The following PTPMT1 variants were observed in gnomAD, a reference collection of about 807,000 sequenced individuals.
PTPMT1 encodes the protein phosphatidylglycerophosphatase and protein-tyrosine phosphatase 1.
A neutral mutation model predicts 17.8 loss-of-function variants in PTPMT1; 12 were observed. The ratio of observed to expected loss-of-function variants is 0.67; its 90% confidence interval spans 0.43 to 1.09. PTPMT1 has a LOEUF of 1.09. Ranked by LOEUF, PTPMT1 falls within the 50% of genes least tolerant of loss-of-function variation. The probability of loss-of-function intolerance (pLI) is 0.00; values close to 1 mark genes in which losing one functional copy is unlikely to be tolerated. For synonymous variants in PTPMT1, 132 were observed against 116.8 expected, an observed-to-expected ratio of 1.13 and a Z score of -0.84; for missense variants, 262 against 266.0, an observed-to-expected ratio of 0.99 and a Z score of 0.10.
In PTPMT1 at chr11:47,569,806, A is replaced by G; in HGVS notation, c.362A>G (p.Tyr121Cys). The change falls in exon 3 of 4, where the codon TAC (tyrosine) becomes TGC (cysteine). Residue 121 changes from tyrosine (Y) to cysteine (C), a missense_variant. By Grantham distance (194) the Tyr-to-Cys change is radical. Coordinates refer to ENST00000326674, the MANE Select transcript of PTPMT1 (RefSeq NM_175732.3). Reference sequence around the variant, plus strand: ...AAGGGAGTCCAATTTGCTCTCAAGTACCAGTCGCTGGGCCAGTGTGTTTAC... The same window carrying G: ...AAGGGAGTCCAATTTGCTCTCAAGTGCCAGTCGCTGGGCCAGTGTGTTTAC... ...LQKGVQFALK[Y>C]QSLGQCVYVH... The G allele has an allele frequency of 6.2e-7, 1 of 1,614,096 alleles. No individual in the cohort carries two copies. Among genetic ancestry groups the G allele is most frequent in the Non-Finnish European group, 8.5e-7 (1 of 1,180,020 alleles).
chr11:47,565,964 G>A lies in PTPMT1; in HGVS notation c.233G>A (p.Arg78Lys). 6.2e-7 allele frequency: 1 copy of A among 1,600,222 alleles called. No individual in the cohort carries two copies. Among genetic ancestry groups the A allele is most frequent in the Non-Finnish European group, 8.5e-7 (1 of 1,173,838 alleles). The change falls in exon 2 of 4, where the codon AGG becomes AAG. Residue 78 changes from arginine (R) to lysine (K), a missense_variant. Physicochemically the swap from Arg to Lys is conservative, Grantham distance 26 (BLOSUM62 2). Coordinates refer to ENST00000326674, the MANE Select transcript of PTPMT1 (RefSeq NM_175732.3). ...VITMNEEYET[R>K]FLCNSSQEWK... ...ACCATGAACGAGGAGTACGAGACGA[G>A]GTTCCTGTGCAACTCTTCACAGGTG...
At chr11:47,571,156 A>T (rs1411413385) in intron 3 of PTPMT1, among the ~76,000 whole-genome samples, 1 of 152,198 alleles carries the variant, frequency 6.6e-6, no homozygotes, top group Non-Finnish European at 1.5e-5. Flanking sequence ...GACGTGGAGT[A>T]GGCTGAGGCA....
At position 47,565,901 on chromosome 11, in the gene PTPMT1, G is replaced by C; in HGVS notation, c.175-5G>C. ...CTTTGCTGAGCCACCTCTTTGCCTC[G>C]GCAGCTGGTACAGGACGAGAACGTG... On this transcript the variant is annotated splice_polypyrimidine_tract_variant and splice_region_variant and intron_variant, in intron 1 of 3. Transcript: ENST00000326674. 6.2e-7 allele frequency: 1 copy of C among 1,612,430 alleles called. No individual in the cohort carries two copies. Among genetic ancestry groups the C allele is most frequent in the South Asian group, 1.1e-5 (1 of 90,978 alleles).
At chr11:47,569,220 T>C (rs1047345170) in intron 2 of PTPMT1, among the ~76,000 whole-genome samples, 25 of 151,410 alleles carry the variant, frequency 1.7e-4, no homozygotes, top group African/African-American at 6.1e-4. Context: ...ACCCCGTCTC[T>C]ACTAAAAATG....
chr11:47,566,386 G>C (rs965192293), intron 2 of PTPMT1, among the ~76,000 whole-genome samples: 27 of 151,734 alleles, frequency 1.8e-4, no homozygotes, highest in African/African-American at 6.3e-4. Context: ...GGGAGGCTAA[G>C]GCAGGAGAAT....
In PTPMT1 at chr11:47,565,814, G is replaced by A. The variant is rs1435376622; in HGVS notation, c.174+18G>A. ...CGCGCCAGGTGAGCCGGGCCGGGGA[G>A]CCCGGGCCCCTGCCCCGTCCCCGCC... On this transcript the variant is annotated intron_variant, in intron 1 of 3. Coordinates refer to ENST00000326674, the MANE Select transcript of PTPMT1 (RefSeq NM_175732.3). The A allele has an allele frequency of 6.3e-7, 1 of 1,585,704 alleles. No individual in the cohort carries two copies. Among genetic ancestry groups the A allele is most frequent in the East Asian group, 2.3e-5 (1 of 42,968 alleles).
rs2153793303 is a variant in PTPMT1 at position 47,572,759 on chromosome 11, G to A, written c.*1130G>A. 1.0e-5 allele frequency: 7 copies of A among 667,944 alleles called. No individual in the cohort carries two copies. The South Asian group carries it at 1.4e-4, about 14-fold the overall frequency. The allele number at this position is 667,944 out of a possible 1,614,324, so 41.4% of individuals were successfully genotyped here. A position where few individuals can be genotyped will look rare whatever the true frequency, so the allele number is the denominator to read the frequency against. ...AGTTCAAGCAACCAGCTGAGCAGCA[G>A]CAGTCTAAAAAGCCCCAAACAGAAC... On this transcript the variant is annotated 3_prime_UTR_variant, in exon 4 of 4. Coordinates refer to ENST00000326674, the MANE Select transcript of PTPMT1 (RefSeq NM_175732.3).
rs1251706979 is a variant in PTPMT1, at chr11:47,572,835, C to CA, written c.*1214dup. Reference sequence around the variant, plus strand: ...GAGGCACTGCCTTTCTAGTATGTGCCAAAAAAAACATAACTCTGAATTGGG... The same window carrying CA: ...GAGGCACTGCCTTTCTAGTATGTGCCAAAAAAAAACATAACTCTGAATTGGG... On this transcript the variant is annotated 3_prime_UTR_variant, in exon 4 of 4. Coordinates refer to ENST00000326674, the MANE Select transcript of PTPMT1 (RefSeq NM_175732.3). The CA allele has an allele frequency of 1.4e-4, 193 of 1,384,210 alleles. No homozygotes were observed. The highest frequency in any genetic ancestry group is 2.5e-4 in the South Asian group (18 of 71,102). 85.7% of individuals were successfully genotyped at this position (1,384,210 alleles called of 1,614,324 possible).
rs757273969 is a variant in PTPMT1, at chr11:47,571,655, G to A, written c.*26G>A. 16 of 1,611,374 alleles carry A rather than the reference G, an allele frequency of 9.9e-6. No individual in the cohort carries two copies. In the Admixed American group the frequency reaches 2.5e-4, roughly 25 times the overall value. ...TGTATGGGGATTAGAAAGAACTCAAGACACTCCTGCTTGATACAGAACAAA... is the reference window on the plus strand; with the variant it reads ...TGTATGGGGATTAGAAAGAACTCAAAACACTCCTGCTTGATACAGAACAAA... On this transcript the variant is annotated 3_prime_UTR_variant, in exon 4 of 4. Transcript: ENST00000326674.
In PTPMT1 at chr11:47,573,008, A is replaced by G; in HGVS notation, c.*1379A>G. 6.2e-7 allele frequency: 1 copy of G among 1,614,152 alleles called. No homozygotes were observed. ...CAGTTACGGCTGAAGTGGCAGGGTC[A>G]AGCTTGTAGGTGTTGGCATCCCCCT... On this transcript the variant is annotated 3_prime_UTR_variant, in exon 4 of 4. Transcript: ENST00000326674. The surrounding 1 kb of genome is among the most constrained non-coding windows in gnomAD (Gnocchi z 4.1).
chr11:47,570,308 T>G (rs1482547494), intron 3 of PTPMT1, among the ~76,000 whole-genome samples: 1 of 152,030 alleles, frequency 6.6e-6, no homozygotes, highest in Non-Finnish European at 1.5e-5. Context: ...TTTCAGGCTG[T>G]TGGGAGGTGG....
chr11:47,567,961 T>C (rs1034125962), intron 2 of PTPMT1, among the ~76,000 whole-genome samples: 1 of 152,012 alleles, frequency 6.6e-6, no homozygotes, highest in Admixed American at 6.6e-5. Context: ...CTCTGTCGCC[T>C]AGGCTGGAAG....
chr11:47,566,039 C>G (rs1401258595), intron 2 of PTPMT1, 53 bp downstream of exon 2: 5 of 1,504,674 alleles, frequency 3.3e-6, no homozygotes, highest in Non-Finnish European at 4.4e-6. Context: ...CCTCGCCCAC[C>G]GCCCTGAGCC....
chr11:47,571,524 A>T lies in PTPMT1; in HGVS notation c.501A>T (p.Ser167=), dbSNP rs202022382. The T allele has an allele frequency of 1.1e-5, 17 of 1,614,068 alleles. No homozygotes were observed. The highest frequency in any genetic ancestry group is 4.0e-5 in the African/African-American group (3 of 75,022). Residue 167 remains serine, a synonymous_variant, in exon 4 of 4, where the codon TCA becomes TCT. Transcript: ENST00000326674. ...TAAGAGCCATCGCCAAGATCCGGTC[A>T]TACATCCACATCAGGCCTGGCCAGC... is the stretch of plus-strand genomic sequence containing the variant. ...EAVRAIAKIR[S]YIHIRPGQLD...
chr11:47,573,234 G>A lies in PTPMT1; in HGVS notation c.*1605G>A, dbSNP rs1292941496. ...AGCTGCGTGCATGCGGCCTGCAAAGGGCAGCACATAGGGCTTCACATGGCA... is the reference window on the plus strand; with the variant it reads ...AGCTGCGTGCATGCGGCCTGCAAAGAGCAGCACATAGGGCTTCACATGGCA... On this transcript the variant is annotated 3_prime_UTR_variant, in exon 4 of 4. Coordinates refer to ENST00000326674, the MANE Select transcript of PTPMT1 (RefSeq NM_175732.3). This position sits in a 1 kb window ranked among gnomAD's most constrained non-coding sequence, Gnocchi z 4.1. The A allele has an allele frequency of 1.9e-6, 3 of 1,613,992 alleles. No homozygotes were observed. The African/African-American group carries it at 4.0e-5, about 22-fold the overall frequency.
chr11:47,572,637 G>C lies in PTPMT1; in HGVS notation c.*1008G>C. On this transcript the variant is annotated 3_prime_UTR_variant, in exon 4 of 4. Transcript: ENST00000326674. ...TAACATTGATCAGGTAAAGAGGAGA[G>C]GCTGTGCCTAAGGTCTGAGAAAAGG... The C allele has an allele frequency of 2.3e-6, 1 of 428,748 alleles. No homozygotes were observed. Among genetic ancestry groups the C allele is most frequent in the Non-Finnish European group, 4.2e-6 (1 of 238,374 alleles). The allele number at this position is 428,748 out of a possible 1,614,324, so 26.6% of individuals were successfully genotyped here.
rs1331387388 is a variant in PTPMT1 at position 47,572,848 on chromosome 11, ACT to A, written c.*1222_*1223del. On this transcript the variant is annotated 3_prime_UTR_variant, in exon 4 of 4. Coordinates refer to ENST00000326674, the MANE Select transcript of PTPMT1 (RefSeq NM_175732.3). ...TCTAGTATGTGCCAAAAAAAACATA[ACT>A]CTGAATTGGGGCCCAGGGGACTTTG... 8 of 1,457,538 alleles carry A rather than the reference ACT, an allele frequency of 5.5e-6. No individual in the cohort carries two copies. Among genetic ancestry groups the A allele is most frequent in the African/African-American group, 4.2e-5 (3 of 70,626 alleles). 90.3% of individuals were successfully genotyped at this position (1,457,538 alleles called of 1,614,324 possible). A position where few individuals can be genotyped will look rare whatever the true frequency, so the allele number is the denominator to read the frequency against.
At chr11:47,566,638 T>C (rs2097244936) in intron 2 of PTPMT1, among the ~76,000 whole-genome samples, 1 of 152,210 alleles carries the variant, frequency 6.6e-6, no homozygotes, top group Non-Finnish European at 1.5e-5. Context: ...TCATTCTTTC[T>C]ATACTTTGAG....
intron 2 of PTPMT1, among the ~76,000 whole-genome samples, chr11:47,568,747 A>G (rs935390865): frequency 6.6e-6 from 1 of 152,056 alleles, no homozygotes; most frequent in Non-Finnish European, 1.5e-5. Context: ...GCTGGAGTAC[A>G]ATGGTGCGAT....
Sources: gnomAD v4.1 joint callset for allele counts (sites outside exome capture counted in the v4.1 genomes callset) on GRCh38, gnomAD v4.1.1 for gene constraint, Gnocchi (gnomAD v3.1) non-coding constraint, MANE v1.5 for transcripts, NCBI Gene and HGNC (gene_info 2026-07-23, HGNC 2026-07-21) for gene names.